SPECC1L: variants seen among roughly 807,000 people sequenced by gnomAD.
The protein encoded by SPECC1L is cytospin-A.
A neutral mutation model predicts 116.8 loss-of-function variants in SPECC1L; 40 were observed. That is an observed-to-expected ratio of 0.34 (90% CI 0.27 to 0.45). SPECC1L has a LOEUF of 0.45. Ranked by LOEUF, SPECC1L falls within the 20% of genes least tolerant of loss-of-function variation. SPECC1L has a pLI of 1.00. For synonymous variants in SPECC1L, 504 were observed against 500.6 expected, an observed-to-expected ratio of 1.01 and a Z score of -0.09; for missense variants, 1,110 against 1,373.6, an observed-to-expected ratio of 0.81 and a Z score of 3.03.
intron 2 of SPECC1L, among the ~76,000 whole-genome samples, chr22:24,285,961 A>C (rs527890931): frequency 9.2e-5 from 14 of 152,370 alleles, no homozygotes; most frequent in African/African-American, 3.4e-4. Context: ...TTTGAAAAGA[A>C]AATCTTGATT....
intron 14 of SPECC1L, among the ~76,000 whole-genome samples, chr22:24,388,948 C>A (rs1042627985): frequency 6.6e-6 from 1 of 152,056 alleles, no homozygotes; most frequent in Non-Finnish European, 1.5e-5. Context: ...AATATTCTTA[C>A]CACCTCACAG....
intron 4 of SPECC1L, among the ~76,000 whole-genome samples, chr22:24,317,206 C>T (rs1185019458): frequency 9.9e-6 from 1 of 100,626 alleles, no homozygotes; most frequent in African/African-American, 3.8e-5. Flanking sequence ...CCAGTAGGGG[C>T]GGCCGGGCAG....
chr22:24,291,615 G>A (rs2049158211), intron 2 of SPECC1L, among the ~76,000 whole-genome samples: 1 of 151,726 alleles, frequency 6.6e-6, no homozygotes, highest in East Asian at 1.9e-4. Context: ...GTCATACATG[G>A]GGCATGCAAT....
intron 8 of SPECC1L, among the ~76,000 whole-genome samples, chr22:24,333,634 A>T (rs373884106): frequency 6.6e-6 from 1 of 151,668 alleles, no homozygotes; most frequent in Admixed American, 6.6e-5. Flanking sequence ...ATTTTTTTAA[A>T]GAGTGTGGGC....
intron 10 of SPECC1L, among the ~76,000 whole-genome samples, chr22:24,344,592 C>CAAAA (rs35725042): frequency 5.9e-5 from 7 of 117,918 alleles, no homozygotes; most frequent in South Asian, 2.6e-4. Flanking sequence ...TGCATAAGAC[C>CAAAA]AAAAAAAAAA....
At chr22:24,349,679 T>C (rs79278843) in intron 11 of SPECC1L, among the ~76,000 whole-genome samples, 6,377 of 152,290 alleles carry the variant, frequency 0.042, 447 homozygotes, top group African/African-American at 0.14. Context: ...TTAGAAACCT[T>C]GGAGTCATCC....
chr22:24,363,840 C>T (rs906265016), intron 12 of SPECC1L, among the ~76,000 whole-genome samples: 3 of 134,248 alleles, frequency 2.2e-5, no homozygotes, highest in Non-Finnish European at 4.6e-5. Context: ...AAGGGCATTG[C>T]TTTACTAATG....
intron 14 of SPECC1L, among the ~76,000 whole-genome samples, chr22:24,391,622 C>T (rs1244092289): frequency 1.3e-5 from 2 of 152,092 alleles, no homozygotes; most frequent in East Asian, 1.9e-4. Flanking sequence ...CATTCAGGAC[C>T]GGTACATTTG....
At chr22:24,272,518 T>C (rs2048749024) in intron 1 of SPECC1L, among the ~76,000 whole-genome samples, 1 of 151,798 alleles carries the variant, frequency 6.6e-6, no homozygotes, top group Non-Finnish European at 1.5e-5. Context: ...ACAAAAAATA[T>C]AAAAATTAGT....
Position 24,272,542 on chromosome 22 carries a change from A to T in SPECC1L, c.-142+1559A>T, listed in dbSNP as rs191689048. ...ATAAAAATTAGTCGGGCGTGGTGGC[A>T]CACGCTTGTGATCCCAGCGGCTCGG... On this transcript the variant is annotated intron_variant, in intron 1 of 16. Transcript: ENST00000314328. 3.3e-5 allele frequency among the ~76,000 whole-genome samples: 5 copies of T among 152,070 alleles called. No homozygotes were observed. The East Asian group carries it at 9.7e-4, about 29-fold the overall frequency.
At chr22:24,373,473 T>C (rs1601302520) in intron 14 of SPECC1L, among the ~76,000 whole-genome samples, 1 of 151,986 alleles carries the variant, frequency 6.6e-6, no homozygotes, top group East Asian at 1.9e-4. Flanking sequence ...TAATGCTGCA[T>C]ATCTACAACC....
At chr22:24,299,188 CTGTGT>C (rs1368107340) in intron 2 of SPECC1L, among the ~76,000 whole-genome samples, 1 of 151,768 alleles carries the variant, frequency 6.6e-6, no homozygotes, top group African/African-American at 2.4e-5. Flanking sequence ...ATTATAGTTG[CTGTGT>C]TAAGTAGATA....
At chr22:24,284,433 A>G (rs1481054801) in intron 2 of SPECC1L, among the ~76,000 whole-genome samples, 1 of 151,620 alleles carries the variant, frequency 6.6e-6, no homozygotes, top group African/African-American at 2.4e-5. Flanking sequence ...CTTTTATTTT[A>G]TTTTATTTTA....
At position 24,365,556 on chromosome 22, in the gene SPECC1L, G is replaced by A. The variant is rs1355307107; in HGVS notation, c.2908G>A (p.Gly970Arg). ...GASPASLMAM[G>R]TTSPQLSLSS... ...GTCGCCAGCCTCTCTGATGGCTATG[G>A]GAACCACGTCTCCACAGCTTTCCCT... The change falls in exon 13 of 17, where the codon GGA becomes AGA. Residue 970 changes from glycine (G) to arginine (R), a missense_variant. Around this residue, in one of 4 missense-constraint regions of SPECC1L, gnomAD observed 575 missense variants for 682.4 expected, o/e 0.84. Transcript: ENST00000314328. 6.2e-7 allele frequency: 1 copy of A among 1,614,090 alleles called. No individual in the cohort carries two copies. Among genetic ancestry groups the A allele is most frequent in the Non-Finnish European group, 8.5e-7 (1 of 1,180,018 alleles).
chr22:24,311,906 C>T (rs1176238450), intron 3 of SPECC1L, among the ~76,000 whole-genome samples: 1 of 142,956 alleles, frequency 7.0e-6, no homozygotes, highest in Non-Finnish European at 1.5e-5. Context: ...TGTAACAGCC[C>T]TTAATTACTA....
intron 3 of SPECC1L, among the ~76,000 whole-genome samples, chr22:24,312,121 A>G (rs985643317): frequency 2.6e-5 from 4 of 152,200 alleles, no homozygotes; most frequent in Admixed American, 2.6e-4. Context: ...GGCATGTGCC[A>G]CTTTGCCCAG....
rs577801934 is a variant in SPECC1L, at chr22:24,395,393, C to T, written c.3088-16195C>T. ...TGTGATAGAGTGAAGGATTTAAGAG[C>T]ACCTTGAAAACAGCCTGGTCACACT... On this transcript the variant is annotated intron_variant, in intron 14 of 16. Coordinates refer to ENST00000314328, the MANE Select transcript of SPECC1L (RefSeq NM_015330.6). Among the ~76,000 whole-genome samples the T allele has an allele frequency of 3.9e-5, 6 of 152,198 alleles. No individual in the cohort carries two copies. In the South Asian group the frequency reaches 6.2e-4, roughly 16 times the overall value.
chr22:24,329,723 G>A (rs1009226370), intron 7 of SPECC1L, among the ~76,000 whole-genome samples: 2 of 152,032 alleles, frequency 1.3e-5, no homozygotes, highest in African/African-American at 2.4e-5. Flanking sequence ...GTTCCTTACC[G>A]CCTCTTTGTA....
At chr22:24,277,789 T>G (rs1466817161) in intron 2 of SPECC1L, among the ~76,000 whole-genome samples, 1 of 152,244 alleles carries the variant, frequency 6.6e-6, no homozygotes. Context: ...TGATGAACAT[T>G]TGCGTTTTTG....
Sources: allele counts gnomAD v4.1 joint callset (sites outside exome capture counted in the v4.1 genomes callset), GRCh38; gene constraint gnomAD v4.1.1; regional missense constraint gnomAD v4.1.1; transcripts MANE v1.5; gene names NCBI Gene and HGNC (gene_info 2026-07-23, HGNC 2026-07-21).